The following AK5 variants were observed in gnomAD, a reference collection of about 807,000 sequenced individuals.
AK5 encodes adenylate kinase 5.
A neutral mutation model predicts 69.5 loss-of-function variants in AK5; 27 were observed. The observed-to-expected ratio is 0.39, with a 90% CI of 0.29 to 0.54. The LOEUF (loss-of-function observed/expected upper bound fraction) is 0.54, where lower values mean the gene tolerates loss of function less well. Among genes scored for constraint, AK5 ranks in the 20% least tolerant of loss-of-function variants. The pLI, the probability that AK5 is intolerant of heterozygous loss-of-function variation, is 0.71. For missense variants in AK5, 531 were observed against 700.4 expected (o/e 0.76, Z 2.73); for synonymous variants, 260 against 244.4 (o/e 1.06, Z -0.60).
chr1:77,328,504 AG>A (rs1660922890), intron 5 of AK5, among the ~76,000 whole-genome samples: 1 of 151,870 alleles, frequency 6.6e-6, no homozygotes, highest in Non-Finnish European at 1.5e-5. Flanking sequence ...TCAAAAAAAA[AG>A]AAAAAAAAAA....
intron 12 of AK5, among the ~76,000 whole-genome samples, chr1:77,533,886 G>T (rs1032891171): frequency 2.6e-5 from 4 of 151,830 alleles, no homozygotes; most frequent in Non-Finnish European, 4.4e-5. Context: ...GCCCTCTGCT[G>T]GTGAACAAGG....
rs115242346 is a variant in AK5 at position 77,535,457 on chromosome 1, C to T, written c.1429-390C>T. On this transcript the variant is annotated intron_variant, in intron 12 of 13. Transcript: ENST00000354567. ...AATGCCACCTGTGGCTGTTATATCA[C>T]GGTGGCTTGAAGGAGAAGTGATTAG... Among the ~76,000 whole-genome samples, 1,198 of 152,270 alleles carry T rather than the reference C, an allele frequency of 7.9e-3. 25 individuals are homozygous for T. Among genetic ancestry groups the T allele is most frequent in the African/African-American group, 0.027 (1,133 of 41,544 alleles).
intron 6 of AK5, among the ~76,000 whole-genome samples, chr1:77,348,847 A>T (rs1385292368): frequency 6.6e-6 from 1 of 152,216 alleles, no homozygotes; most frequent in Non-Finnish European, 1.5e-5. Flanking sequence ...TAATGTCAAC[A>T]AATATTCCAG....
chr1:77,400,541 A>G (rs1649143183), intron 6 of AK5, among the ~76,000 whole-genome samples: 1 of 152,196 alleles, frequency 6.6e-6, no homozygotes, highest in Non-Finnish European at 1.5e-5. Flanking sequence ...GCTGATGAAG[A>G]TTCCAAAAAA....
intron 10 of AK5, among the ~76,000 whole-genome samples, chr1:77,510,230 T>C (rs1426739054): frequency 6.6e-6 from 1 of 152,202 alleles, no homozygotes; most frequent in Non-Finnish European, 1.5e-5. Flanking sequence ...TGAAGTGGTT[T>C]CTGCCCTCTG....
intron 8 of AK5, among the ~76,000 whole-genome samples, chr1:77,453,902 C>T (rs745970473): frequency 6.6e-6 from 1 of 152,204 alleles, no homozygotes; most frequent in Non-Finnish European, 1.5e-5. Context: ...CATTCCATAG[C>T]CCTATTCTTA....
At chr1:77,442,895 C>G (rs1001436128) in intron 8 of AK5, among the ~76,000 whole-genome samples, 2 of 152,016 alleles carry the variant, frequency 1.3e-5, no homozygotes, top group African/African-American at 2.4e-5. Flanking sequence ...GTAGCAATGG[C>G]CTTTGTGTAA....
At chr1:77,395,806 A>C (rs59417372) in intron 6 of AK5, among the ~76,000 whole-genome samples, 12,866 of 152,282 alleles carry the variant, frequency 0.084, 727 homozygotes, top group South Asian at 0.17. Flanking sequence ...AAGGCCTCCA[A>C]ATAACTGTAG....
chr1:77,417,604 C>T (rs1482789957), intron 7 of AK5, 35 bp from the exon 8 acceptor site: 3 of 1,335,652 alleles, frequency 2.2e-6, no homozygotes, highest in Admixed American at 3.4e-5. Context: ...ACATAGACAA[C>T]CTCCATCCAC....
chr1:77,483,992 T>C (rs1386298057), intron 9 of AK5, among the ~76,000 whole-genome samples: 1 of 152,104 alleles, frequency 6.6e-6, no homozygotes, highest in African/African-American at 2.4e-5. Context: ...TGAAACCCTG[T>C]CTCTACTAAA....
intron 8 of AK5, among the ~76,000 whole-genome samples, chr1:77,432,044 C>T (rs1046750956): frequency 7.2e-5 from 11 of 152,118 alleles, no homozygotes; most frequent in South Asian, 2.1e-4. Context: ...AGAACTTGTG[C>T]GTGAGAATCC....
At chr1:77,461,737 T>A (rs1382726310) in intron 8 of AK5, among the ~76,000 whole-genome samples, 1 of 146,310 alleles carries the variant, frequency 6.8e-6, no homozygotes, top group African/African-American at 2.5e-5. Flanking sequence ...GCCATTCCAC[T>A]CCAACCTGGG....
At chr1:77,522,872 A>G (rs1570306234) in intron 12 of AK5, among the ~76,000 whole-genome samples, 2 of 152,144 alleles carry the variant, frequency 1.3e-5, no homozygotes, top group Admixed American at 6.5e-5. Context: ...AACATTTTTC[A>G]TATACAGTTT....
chr1:77,411,608 A>AC (rs1400100955), intron 7 of AK5, among the ~76,000 whole-genome samples: 1 of 151,632 alleles, frequency 6.6e-6, no homozygotes, highest in Non-Finnish European at 1.5e-5. Flanking sequence ...TTCTGTCCTG[A>AC]CCCCCCTCTC....
At position 77,507,150 on chromosome 1, in the gene AK5, G is replaced by A. The variant is rs147696125; in HGVS notation, c.1148-11414G>A. Among the ~76,000 whole-genome samples, 59 of 152,374 alleles carry A rather than the reference G, an allele frequency of 3.9e-4. 1 individual carries two copies. The highest frequency in any genetic ancestry group is 3.3e-3 in the East Asian group (17 of 5,192). ...AGTCTCATGCAGGATTTGACTGGGT[G>A]TCCTGTATTTTATCTGGCCACCTGA... is the stretch of plus-strand genomic sequence containing the variant. On this transcript the variant is annotated intron_variant, in intron 10 of 13. Transcript: ENST00000354567.
intron 8 of AK5, among the ~76,000 whole-genome samples, chr1:77,457,754 G>C (rs979961112): frequency 6.6e-6 from 1 of 151,904 alleles, no homozygotes; most frequent in African/African-American, 2.4e-5. Flanking sequence ...GAGATTCCTG[G>C]CTGCCCATTT....
chr1:77,451,103 G>A (rs1653121801), intron 8 of AK5, among the ~76,000 whole-genome samples: 1 of 151,840 alleles, frequency 6.6e-6, no homozygotes, highest in South Asian at 2.1e-4. Flanking sequence ...TTGAGCCTGG[G>A]AGGTTGAGGC....
At chr1:77,489,276 C>G (rs1325994889) in intron 10 of AK5, among the ~76,000 whole-genome samples, 5 of 152,184 alleles carry the variant, frequency 3.3e-5, no homozygotes, top group Admixed American at 3.3e-4. Flanking sequence ...TTTCTTCTAT[C>G]TAACAAAACT....
chr1:77,338,573 A>C (rs924840514), intron 5 of AK5, among the ~76,000 whole-genome samples: 3 of 151,676 alleles, frequency 2.0e-5, no homozygotes, highest in Non-Finnish European at 4.4e-5. Context: ...GAACTTTATC[A>C]GCAAAAGGTA....
Sources: gnomAD v4.1 joint callset for allele counts (sites outside exome capture counted in the v4.1 genomes callset) on GRCh38, gnomAD v4.1.1 for gene constraint, MANE v1.5 for transcripts, NCBI Gene and HGNC (gene_info 2026-07-23, HGNC 2026-07-21) for gene names.